Variants in SCAPER observed in about 807,000 individuals in gnomAD.
The protein encoded by SCAPER is S phase cyclin A-associated protein in the endoplasmic reticulum.
SCAPER carries 98 observed loss-of-function variants against 182.2 expected under a neutral mutation model. That is an observed-to-expected ratio of 0.54 (90% CI 0.46 to 0.64). SCAPER has a LOEUF of 0.64. SCAPER is among the 30% of genes least tolerant of loss of function. SCAPER has a pLI of 0.00. For missense variants in SCAPER, 1,432 were observed against 1,690.0 expected, an observed-to-expected ratio of 0.85 and a Z score of 2.68; for synonymous variants, 605 against 564.6, an observed-to-expected ratio of 1.07 and a Z score of -1.01.
In SCAPER at chr15:76,761,634, T is replaced by C. The variant is rs371454025; in HGVS notation, c.1725+3327A>G. On this transcript the variant is annotated intron_variant, in intron 14 of 31. Coordinates refer to ENST00000563290, the MANE Select transcript of SCAPER (RefSeq NM_020843.4). Reference sequence around the variant, plus strand: ...TTATTGATTTCTAGATTCATTCCACTGCGGTCTAAAAGATATTGGTATGAT... The same window carrying C: ...TTATTGATTTCTAGATTCATTCCACCGCGGTCTAAAAGATATTGGTATGAT... 3.3e-5 allele frequency among the ~76,000 whole-genome samples: 5 copies of C among 152,342 alleles called. No individual in the cohort carries two copies. The East Asian group carries it at 7.7e-4, about 23-fold the overall frequency.
rs185890473 is a variant in SCAPER at position 76,831,704 on chromosome 15, C to T, written c.393+10030G>A. Among the ~76,000 whole-genome samples the T allele has an allele frequency of 7.2e-5, 11 of 152,252 alleles. No individual in the cohort carries two copies. The East Asian group carries it at 2.1e-3, about 29-fold the overall frequency. ...TACTCTCCCATGACCCCTTCCATCA[C>T]CCCACCGGAGCATATTTGCTAGCAG... On this transcript the variant is annotated intron_variant, in intron 5 of 31. Transcript: ENST00000563290.
At chr15:76,646,302 C>A (rs532473868) in intron 21 of SCAPER, among the ~76,000 whole-genome samples, 1 of 152,064 alleles carries the variant, frequency 6.6e-6, no homozygotes, top group East Asian at 1.9e-4. Context: ...CCTCTCTCTG[C>A]CCCATTTCAG....
intron 25 of SCAPER, among the ~76,000 whole-genome samples, chr15:76,441,912 T>C (rs573035118): frequency 6.6e-6 from 1 of 152,292 alleles, no homozygotes; most frequent in South Asian, 2.1e-4. Context: ...AGACATGTAG[T>C]AGATGTTCAC....
chr15:76,725,555 A>G (rs1000023792), intron 17 of SCAPER, among the ~76,000 whole-genome samples: 1 of 152,166 alleles, frequency 6.6e-6, no homozygotes, highest in Non-Finnish European at 1.5e-5. Flanking sequence ...ACAATCTTGA[A>G]AAGAACAAAG....
chr15:76,493,322 G>A (rs1273757071), intron 24 of SCAPER, among the ~76,000 whole-genome samples: 1 of 152,000 alleles, frequency 6.6e-6, no homozygotes, highest in African/African-American at 2.4e-5. Flanking sequence ...TTCAGAATAA[G>A]GAGTACATAA....
chr15:76,578,102 G>C (rs1235082756), intron 22 of SCAPER, among the ~76,000 whole-genome samples: 3 of 151,936 alleles, frequency 2.0e-5, no homozygotes, highest in African/African-American at 4.8e-5. Context: ...GTGGCCACAG[G>C]AAGAGACTCC....
intron 8 of SCAPER, among the ~76,000 whole-genome samples, chr15:76,783,446 C>T (rs944595261): frequency 6.6e-6 from 1 of 152,124 alleles, no homozygotes; most frequent in Non-Finnish European, 1.5e-5. Context: ...CCAACTTCTA[C>T]CAGAGGTACA....
At chr15:76,734,285 T>A (rs1268171859) in intron 15 of SCAPER, among the ~76,000 whole-genome samples, 2 of 152,068 alleles carry the variant, frequency 1.3e-5, no homozygotes, top group Non-Finnish European at 2.9e-5. Flanking sequence ...AGCTCAAAAA[T>A]CAGGTAGGAT....
chr15:76,511,436 T>A (rs1321218742), intron 23 of SCAPER, among the ~76,000 whole-genome samples: 2 of 152,082 alleles, frequency 1.3e-5, no homozygotes, highest in African/African-American at 4.8e-5. Flanking sequence ...ACTGAAGAAA[T>A]ACCCTAAAGA....
At position 76,733,158 on chromosome 15, in the gene SCAPER, G is replaced by A. The variant is rs891055740; in HGVS notation, c.2022+71C>T. The A allele has an allele frequency of 5.2e-5, 73 of 1,412,076 alleles. No individual in the cohort carries two copies. In the East Asian group the frequency reaches 7.2e-4, roughly 14 times the overall value. 87.5% of individuals were successfully genotyped at this position (1,412,076 alleles called of 1,614,324 possible). ...CCGCACATGGGGAGAAAAACCCACC[G>A]ACCCTGCGGGGCTGGACCCTACAAA... On this transcript the variant is annotated intron_variant, in intron 16 of 31. Transcript: ENST00000563290.
intron 27 of SCAPER, among the ~76,000 whole-genome samples, chr15:76,404,017 T>G (rs2044648800): frequency 6.6e-6 from 1 of 152,174 alleles, no homozygotes; most frequent in East Asian, 1.9e-4. Context: ...GGGTCACGTG[T>G]GACTTCAGGG....
chr15:76,738,357 T>C (rs973932510), intron 15 of SCAPER, among the ~76,000 whole-genome samples: 2 of 152,138 alleles, frequency 1.3e-5, no homozygotes, highest in African/African-American at 4.8e-5. Context: ...AGCCCAGTTT[T>C]TGACAAGCCT....
chr15:76,673,952 TACACACACACACACACAC>T (rs71447120), intron 20 of SCAPER, among the ~76,000 whole-genome samples: 26 of 146,356 alleles, frequency 1.8e-4, no homozygotes, highest in Non-Finnish European at 2.8e-4. Flanking sequence ...AATTTATCTA[TACACACACACACACACAC>T]ACACACACAC....
intron 5 of SCAPER, among the ~76,000 whole-genome samples, chr15:76,840,554 G>A (rs951830117): frequency 6.6e-6 from 1 of 151,920 alleles, no homozygotes; most frequent in Non-Finnish European, 1.5e-5. Context: ...TTTTAAGTTA[G>A]TCTAAAACCT....
intron 26 of SCAPER, among the ~76,000 whole-genome samples, chr15:76,416,997 T>C (rs1415623817): frequency 1.3e-5 from 2 of 151,784 alleles, no homozygotes; most frequent in African/African-American, 2.4e-5. Flanking sequence ...AGGCCAGGAG[T>C]TGAGTTACAG....
chr15:76,668,003 G>A (rs1016622812), intron 20 of SCAPER, among the ~76,000 whole-genome samples: 6 of 151,698 alleles, frequency 4.0e-5, no homozygotes, highest in Non-Finnish European at 5.9e-5. Context: ...TCTCCAGTTA[G>A]GTGGAACATT....
At chr15:76,381,244 A>G (rs1287434086) in intron 28 of SCAPER, 134 bp downstream of exon 28, 11 of 513,738 alleles carry the variant, frequency 2.1e-5, no homozygotes, top group Non-Finnish European at 3.5e-5. Context: ...TTAATAAATT[A>G]TAATATATAT....
At chr15:76,799,140 T>A (rs1010741005) in intron 7 of SCAPER, among the ~76,000 whole-genome samples, 1 of 152,224 alleles carries the variant, frequency 6.6e-6, no homozygotes, top group African/African-American at 2.4e-5. Context: ...ATGTATGATA[T>A]GTATTAATAT....
intron 24 of SCAPER, among the ~76,000 whole-genome samples, chr15:76,475,766 C>G (rs760389594): frequency 9.2e-5 from 14 of 152,176 alleles, no homozygotes. Flanking sequence ...TTTCAAAGAC[C>G]CTTGAAAGCG....
Sources: gnomAD v4.1 joint callset for allele counts (sites outside exome capture counted in the v4.1 genomes callset) on GRCh38, gnomAD v4.1.1 for gene constraint, MANE v1.5 for transcripts, NCBI Gene and HGNC (gene_info 2026-07-23, HGNC 2026-07-21) for gene names.